Variants in NUP188 observed in about 807,000 individuals in gnomAD.
NUP188 encodes the protein nucleoporin NUP188.
Under a neutral mutation model 223.0 loss-of-function variants are expected in NUP188, and 97 were observed. That is an observed-to-expected ratio of 0.43 (90% CI 0.37 to 0.51). NUP188 has a LOEUF of 0.51. Among genes scored for constraint, NUP188 ranks in the 20% least tolerant of loss-of-function variants. The pLI is 0.00. For missense variants in NUP188, 1,947 were observed against 2,175.6 expected (o/e 0.89, Z 2.09); for synonymous variants, 869 against 828.0 (o/e 1.05, Z -0.85).
Position 128,958,901 on chromosome 9 carries a change from T to C in NUP188, c.465+7T>C, listed in dbSNP as rs771875808. 76 of 1,559,034 alleles carry C rather than the reference T, an allele frequency of 4.9e-5. No homozygotes were observed. Among genetic ancestry groups the C allele is most frequent in the Non-Finnish European group, 6.5e-5 (74 of 1,140,632 alleles). On this transcript the variant is annotated splice_region_variant and intron_variant, in intron 7 of 43. Transcript: ENST00000372577. Reference sequence around the variant, plus strand: ...TGAAAGACACCCCTATAGGGTAAGCTTGTTTAGTCCTCTTGCTTCTCTTTA... The same window carrying C: ...TGAAAGACACCCCTATAGGGTAAGCCTGTTTAGTCCTCTTGCTTCTCTTTA...
chr9:128,968,751 A>C, intron 9 of NUP188, 34 bp downstream of exon 9: 1 of 1,508,378 alleles, frequency 6.6e-7, no homozygotes, highest in Non-Finnish European at 9.2e-7. Flanking sequence ...TGGAACTTGC[A>C]GTGTTTAGAG....
chr9:128,953,662 AC>A (rs1841827184), intron 3 of NUP188, among the ~76,000 whole-genome samples: 1 of 152,126 alleles, frequency 6.6e-6, no homozygotes, highest in Non-Finnish European at 1.5e-5. Flanking sequence ...AAATACATGG[AC>A]TTTTTAAAAA....
At chr9:128,951,911 G>A (rs1470326432) in intron 2 of NUP188, among the ~76,000 whole-genome samples, 2 of 151,570 alleles carry the variant, frequency 1.3e-5, no homozygotes, top group South Asian at 4.1e-4. Flanking sequence ...TCCTGCCTCA[G>A]CCTCCCGAGT....
intron 8 of NUP188, among the ~76,000 whole-genome samples, chr9:128,963,326 C>T (rs1212580112): frequency 6.8e-6 from 1 of 147,874 alleles, no homozygotes; most frequent in East Asian, 2.0e-4. Flanking sequence ...CGCTCTGTCG[C>T]CCAGGCTGGA....
rs755016280 is a variant in NUP188 at position 129,006,880 on chromosome 9, G to C, written c.*202G>C. 1.9e-6 allele frequency: 1 copy of C among 513,038 alleles called. No individual in the cohort carries two copies. The highest frequency in any genetic ancestry group is 3.4e-6 in the Non-Finnish European group (1 of 296,848). The allele number at this position is 513,038 out of a possible 1,614,324, so 31.8% of individuals were successfully genotyped here. A position where few individuals can be genotyped will look rare whatever the true frequency, so the allele number is the denominator to read the frequency against. On this transcript the variant is annotated 3_prime_UTR_variant, in exon 44 of 44. Coordinates refer to ENST00000372577, the MANE Select transcript of NUP188 (RefSeq NM_015354.3). ...AGGTCAACAGCAGGCATGGGGAGCC[G>C]AGTCTTCTGTGCTCAGGTCCTCACG...
chr9:128,947,994 T>G (rs1841713651), intron 1 of NUP188: 1 of 384,972 alleles, frequency 2.6e-6, no homozygotes, highest in Non-Finnish European at 4.6e-6. Flanking sequence ...GCCTCCCATC[T>G]CCTCACCCAG....
intron 24 of NUP188, among the ~76,000 whole-genome samples, chr9:128,989,623 C>G (rs946013051): frequency 1.3e-5 from 2 of 151,720 alleles, no homozygotes; most frequent in African/African-American, 4.8e-5. Flanking sequence ...CACTTGAGGT[C>G]GGGTTCAAGA....
rs1842672949 is a variant in NUP188, at chr9:129,001,730, G to C, written c.4044+1G>C. 1 of 1,613,122 alleles carries C rather than the reference G, an allele frequency of 6.2e-7. No homozygotes were observed. The highest frequency in any genetic ancestry group is 8.5e-7 in the Non-Finnish European group (1 of 1,179,762). ...CCTCACCCTGGCTCGCACTCAGCAGGTAGGAGGCCAGCCCGAAGGCAGGAG... is the reference window on the plus strand; with the variant it reads ...CCTCACCCTGGCTCGCACTCAGCAGCTAGGAGGCCAGCCCGAAGGCAGGAG... On this transcript the variant is annotated splice_donor_variant, in intron 35 of 43. Transcript: ENST00000372577. LOFTEE classifies it high-confidence loss of function.
Position 128,979,298 on chromosome 9 carries a change from C to G in NUP188, c.1240C>G (p.Pro414Ala), listed in dbSNP as rs139672829. ...TACAGCATGTGAAGTATTGGCCGAC[C>G]CTTCTCTTCCGGAACTGTTCTGGGG... ...IDTACEVLADPSLPELFWGTE... is the reference protein window; with the variant it reads ...IDTACEVLADASLPELFWGTE... The change falls in exon 13 of 44, where the codon CCT becomes GCT. Residue 414 changes from proline (P) to alanine (A), a missense_variant. By Grantham distance (27) the Pro-to-Ala change is conservative. This residue lies in a region of NUP188 where 817 missense variants were observed against 865.8 expected (regional missense o/e 0.94). Coordinates refer to ENST00000372577, the MANE Select transcript of NUP188 (RefSeq NM_015354.3). 33 of 1,612,372 alleles carry G rather than the reference C, an allele frequency of 2.0e-5. No individual in the cohort carries two copies. In the African/African-American group the frequency reaches 3.9e-4, roughly 19 times the overall value.
In NUP188 at chr9:128,982,929, A is replaced by G. The variant is rs372059317; in HGVS notation, c.1697A>G (p.Lys566Arg). Reference protein sequence around the residue: ...ADVIQHCQRVKPIIDLVHKVI... With the variant: ...ADVIQHCQRVRPIIDLVHKVI... ...GTGATTCAGCACTGCCAGCGAGTCA[A>G]ACCCATCATTGATCTCGTCCATAAG... Residue 566 changes from lysine to arginine, a missense_variant, in exon 17 of 44, where the codon AAA becomes AGA. Physicochemically the swap from Lys to Arg is conservative, Grantham distance 26 (BLOSUM62 2). Transcript: ENST00000372577. 3.1e-6 allele frequency: 5 copies of G among 1,614,070 alleles called. No individual in the cohort carries two copies. The African/African-American group carries it at 4.0e-5, about 13-fold the overall frequency.
intron 5 of NUP188, among the ~76,000 whole-genome samples, chr9:128,957,607 G>A (rs1841889378): frequency 6.6e-6 from 1 of 152,102 alleles, no homozygotes; most frequent in South Asian, 2.1e-4. Flanking sequence ...TGGGACTATA[G>A]GCGCCTGCCA....
chr9:129,005,826 G>C (rs754349309), intron 41 of NUP188, 50 bp downstream of exon 41: 16 of 1,546,666 alleles, frequency 1.0e-5, no homozygotes, highest in Non-Finnish European at 1.4e-5. Context: ...TCCTCCCCCT[G>C]CCTGCCACTT....
chr9:128,954,773 A>G (rs1272573798), intron 3 of NUP188, among the ~76,000 whole-genome samples: 9 of 151,376 alleles, frequency 5.9e-5, no homozygotes, highest in African/African-American at 4.9e-5. Context: ...TATGCCCCCA[A>G]TTTGGGTTTG....
chr9:128,985,489 G>A (rs184557486), intron 20 of NUP188, among the ~76,000 whole-genome samples: 1 of 152,186 alleles, frequency 6.6e-6, no homozygotes, highest in African/African-American at 2.4e-5. Context: ...ATCTACTAAT[G>A]GGTTACAACT....
chr9:128,998,284 A>G (rs530198904), intron 31 of NUP188, 56 bp downstream of exon 31: 4 of 1,448,548 alleles, frequency 2.8e-6, no homozygotes, highest in East Asian at 2.3e-5. Context: ...TTTGAAGTCA[A>G]ATAGCAGAGG....
At chr9:129,005,885 T>C in intron 41 of NUP188, 109 bp downstream of exon 41, 1 of 1,440,300 alleles carries the variant, frequency 6.9e-7, no homozygotes, top group Non-Finnish European at 9.5e-7. Flanking sequence ...CTCCCAAGCC[T>C]GCTCCTCTCT....
At chr9:129,003,129 C>T (rs1842704897) in intron 37 of NUP188, among the ~76,000 whole-genome samples, 154 bp downstream of exon 37, 1 of 152,240 alleles carries the variant, frequency 6.6e-6, no homozygotes, top group African/African-American at 2.4e-5. Flanking sequence ...TGCTGGCTCA[C>T]TGGCCAGCTA....
At position 129,005,690 on chromosome 9, in the gene NUP188, A is replaced by G; in HGVS notation, c.4783A>G (p.Thr1595Ala). 2 of 1,613,948 alleles carry G rather than the reference A, an allele frequency of 1.2e-6. No homozygotes were observed. Among genetic ancestry groups the G allele is most frequent in the Non-Finnish European group, 8.5e-7 (1 of 1,179,960 alleles). The change falls in exon 41 of 44, where the codon ACC becomes GCC. Residue 1595 changes from threonine (T) to alanine (A), a missense_variant. By Grantham distance (58) the Thr-to-Ala change is moderately conservative. This residue lies in a region of NUP188 where 905 missense variants were observed against 990.6 expected (regional missense o/e 0.91). Coordinates refer to ENST00000372577, the MANE Select transcript of NUP188 (RefSeq NM_015354.3). ...CAACTTCCTGTTTGCCCTGAGCTTT[A>G]CCACTCCCACCTTTGACTCCGAAGT... ...EYNFLFALSF[T>A]TPTFDSEVAP...
intron 1 of NUP188, 28 bp downstream of exon 1, chr9:128,947,779 T>C (rs532787106): frequency 1.4e-6 from 2 of 1,393,506 alleles, no homozygotes; most frequent in Admixed American, 6.3e-5. Flanking sequence ...TGGACCGGGG[T>C]GGCTGTGAAG....
Sources: allele counts gnomAD v4.1 joint callset (sites outside exome capture counted in the v4.1 genomes callset), GRCh38; gene constraint gnomAD v4.1.1; regional missense constraint gnomAD v4.1.1; transcripts MANE v1.5; gene names NCBI Gene and HGNC (gene_info 2026-07-23, HGNC 2026-07-21).